Variants in GALNT13 observed in about 807,000 individuals in gnomAD.
GALNT13 encodes UDP-GalNAc:polypeptide N-acetylgalactosaminyltransferase 13.
GALNT13 carries 28 observed loss-of-function variants against 64.2 expected under a neutral mutation model. That is an observed-to-expected ratio of 0.44 (90% CI 0.32 to 0.60). GALNT13 has a LOEUF of 0.60. GALNT13 is among the 20% of genes least tolerant of loss of function. The pLI is 0.05. For synonymous variants in GALNT13, 214 were observed against 224.6 expected, an observed-to-expected ratio of 0.95 and a Z score of 0.42; for missense variants, 577 against 669.8, an observed-to-expected ratio of 0.86 and a Z score of 1.53.
intron 4 of GALNT13, among the ~76,000 whole-genome samples, chr2:154,230,273 G>T (rs1409405305): frequency 6.6e-6 from 1 of 152,066 alleles, no homozygotes; most frequent in Non-Finnish European, 1.5e-5. Context: ...CTTATGAATT[G>T]CAGGAGGAAG....
intron 9 of GALNT13, among the ~76,000 whole-genome samples, chr2:154,383,765 CTATA>C (rs1698384978): frequency 1.3e-5 from 2 of 151,704 alleles, no homozygotes; most frequent in African/African-American, 2.4e-5. Flanking sequence ...TTATTGCTAT[CTATA>C]TAGCTATATC....
At chr2:154,131,261 G>A (rs1384269807) in intron 3 of GALNT13, among the ~76,000 whole-genome samples, 1 of 152,128 alleles carries the variant, frequency 6.6e-6, no homozygotes, top group East Asian at 1.9e-4. Context: ...AGAAGCGTAT[G>A]AGCTTAATGT....
At chr2:153,472,856 G>A in the GALNT13 span, among the ~76,000 whole-genome samples, 7 of 152,154 alleles carry the variant, frequency 4.6e-5, no homozygotes, top group African/African-American at 1.4e-4. Context: ...TTTGCAATGT[G>A]ACTGAGGAAT....
chr2:153,069,696 T>C, the GALNT13 span, among the ~76,000 whole-genome samples: 8 of 152,182 alleles, frequency 5.3e-5, no homozygotes, highest in African/African-American at 1.9e-4. Context: ...AGCTCCTTTA[T>C]ACGAAGGTGA....
Position 154,241,581 on chromosome 2 carries a change from C to T in GALNT13, c.312-449C>T, listed in dbSNP as rs1466068088. ...CAAATGGAATTAAAAGCATATATGACTAGATTTAGAACAGAAAAATCTGTT... is the reference window on the plus strand; with the variant it reads ...CAAATGGAATTAAAAGCATATATGATTAGATTTAGAACAGAAAAATCTGTT... On this transcript the variant is annotated intron_variant, in intron 4 of 12. Transcript: ENST00000392825. Among the ~76,000 whole-genome samples, 5 of 152,204 alleles carry T rather than the reference C, an allele frequency of 3.3e-5. No homozygotes were observed. In the East Asian group the frequency reaches 9.6e-4, roughly 29 times the overall value.
chr2:153,838,373 T>C, the GALNT13 span, among the ~76,000 whole-genome samples: 1 of 151,986 alleles, frequency 6.6e-6, no homozygotes, highest in Non-Finnish European at 1.5e-5. Flanking sequence ...AGGATTTTTA[T>C]GGTTTCAAAC....
chr2:153,181,937 T>C, the GALNT13 span, among the ~76,000 whole-genome samples: 1 of 149,452 alleles, frequency 6.7e-6, no homozygotes, highest in Non-Finnish European at 1.5e-5. Context: ...AACAATAATA[T>C]ACAAATGGTA....
At chr2:153,419,417 C>T in the GALNT13 span, among the ~76,000 whole-genome samples, 15 of 152,288 alleles carry the variant, frequency 9.8e-5, no homozygotes, top group South Asian at 4.1e-4. Flanking sequence ...AGGATTTATA[C>T]TGACTGAAAA....
At chr2:153,965,756 C>T (rs1010125722) in intron 3 of GALNT13, among the ~76,000 whole-genome samples, 1 of 147,750 alleles carries the variant, frequency 6.8e-6, no homozygotes, top group Non-Finnish European at 1.5e-5. Context: ...GATTTTAAAG[C>T]AATGACAACT....
intron 8 of GALNT13, 30 bp downstream of exon 8, chr2:154,259,168 C>A (rs1303857909): frequency 8.2e-7 from 1 of 1,214,220 alleles, no homozygotes; most frequent in South Asian, 1.2e-5. Flanking sequence ...TTTTTTGATG[C>A]TGAACATACA....
chr2:154,162,356 T>G (rs2105669354), intron 4 of GALNT13, among the ~76,000 whole-genome samples: 1 of 152,346 alleles, frequency 6.6e-6, no homozygotes, highest in Admixed American at 6.5e-5. Flanking sequence ...GTTTTGATAA[T>G]CTGAGAGCCT....
the GALNT13 span, among the ~76,000 whole-genome samples, chr2:153,521,504 G>A: frequency 6.6e-6 from 1 of 152,010 alleles, no homozygotes; most frequent in South Asian, 2.1e-4. Context: ...GTACCAGAGT[G>A]GTACATGTTA....
At chr2:153,350,501 A>G in the GALNT13 span, among the ~76,000 whole-genome samples, 24 of 148,224 alleles carry the variant, frequency 1.6e-4, no homozygotes, top group African/African-American at 5.7e-4. Flanking sequence ...TCCTACCTCA[A>G]CCTCCCTAGT....
chr2:153,472,300 A>T, the GALNT13 span, among the ~76,000 whole-genome samples: 2 of 152,190 alleles, frequency 1.3e-5, no homozygotes, highest in South Asian at 2.1e-4. Flanking sequence ...TCTCTCTGTA[A>T]TAAAAAATAC....
the GALNT13 span, among the ~76,000 whole-genome samples, chr2:153,255,350 A>T: frequency 1.5e-5 from 2 of 136,508 alleles, no homozygotes; most frequent in Non-Finnish European, 3.1e-5. Context: ...TTTTATTTTG[A>T]GCCTATGTGT....
At chr2:153,221,393 G>A in the GALNT13 span, among the ~76,000 whole-genome samples, 1 of 152,156 alleles carries the variant, frequency 6.6e-6, no homozygotes, top group African/African-American at 2.4e-5. Flanking sequence ...TAAAAGTAAA[G>A]TGATGGAAAA....
At chr2:154,431,118 A>G (rs1285875335) in intron 11 of GALNT13, among the ~76,000 whole-genome samples, 2 of 152,162 alleles carry the variant, frequency 1.3e-5, no homozygotes, top group Non-Finnish European at 2.9e-5. Context: ...ATGCATGTAC[A>G]TACATACACA....
the GALNT13 span, among the ~76,000 whole-genome samples, chr2:153,649,964 TA>T: frequency 6.6e-6 from 1 of 152,180 alleles, no homozygotes; most frequent in Non-Finnish European, 1.5e-5. Flanking sequence ...GCAGAGTCTG[TA>T]GATGTCTATT....
chr2:153,911,729 A>C (rs1259388993), intron 2 of GALNT13, among the ~76,000 whole-genome samples: 3 of 152,188 alleles, frequency 2.0e-5, no homozygotes, highest in Admixed American at 2.0e-4. Flanking sequence ...AATGTTGAAT[A>C]TAGACCCCCA....
Sources: allele counts gnomAD v4.1 joint callset (sites outside exome capture counted in the v4.1 genomes callset), GRCh38; gene constraint gnomAD v4.1.1; transcripts MANE v1.5; gene names NCBI Gene and HGNC (gene_info 2026-07-23, HGNC 2026-07-21).